NEMF: variants seen among roughly 807,000 people sequenced by gnomAD.
NEMF encodes nuclear export mediator factor, also known as ribosome quality control complex subunit NEMF.
NEMF carries 89 observed loss-of-function variants against 162.2 expected under a neutral mutation model. The observed-to-expected ratio is 0.55, with a 90% confidence interval of 0.46 to 0.65. NEMF has a LOEUF of 0.65. NEMF is among the 30% of genes least tolerant of loss of function. The probability of loss-of-function intolerance (pLI) is 0.00; values close to 1 mark genes in which losing one functional copy is unlikely to be tolerated. For missense variants in NEMF, 1,133 were observed against 1,261.9 expected (o/e 0.90, Z 1.55); for synonymous variants, 421 against 404.5 (o/e 1.04, Z -0.49).
intron 18 of NEMF, among the ~76,000 whole-genome samples, chr14:49,809,707 A>C (rs1476274970): frequency 6.6e-6 from 1 of 152,112 alleles, no homozygotes; most frequent in Non-Finnish European, 1.5e-5. Context: ...TAAAAATACA[A>C]AAACTAGCTG....
intron 1 of NEMF, 38 bp downstream of exon 1, chr14:49,852,657 C>T: frequency 1.6e-5 from 25 of 1,609,430 alleles, no homozygotes; most frequent in Non-Finnish European, 2.0e-5. Context: ...CTGCCTCCTG[C>T]ACTCCCCACA....
At chr14:49,793,125 T>C (rs1175234952) in intron 26 of NEMF, among the ~76,000 whole-genome samples, 4 of 152,134 alleles carry the variant, frequency 2.6e-5, no homozygotes, top group African/African-American at 7.2e-5. Context: ...TAGAAACAGT[T>C]CCTGTAATGG....
rs778823374 is a variant in NEMF, at chr14:49,829,259, T to G, written c.1027A>C (p.Ile343Leu). Residue 343 changes from isoleucine (I) to leucine (L), a missense_variant, in exon 13 of 33, where the codon ATA becomes CTA. Physicochemically the swap from Ile to Leu is conservative, Grantham distance 5 (BLOSUM62 2). Coordinates refer to ENST00000298310, the MANE Select transcript of NEMF (RefSeq NM_004713.6). ...RLEALQQAQE[I>L]DKLKGELIEM... ...ATGAGCTCTCCTTTCAGTTTGTCTA[T>G]TTCCTTAAAAAACAAACCACACACA... is the stretch of plus-strand genomic sequence containing the variant. 4 of 1,614,090 alleles carry G rather than the reference T, an allele frequency of 2.5e-6. No homozygotes were observed. Among genetic ancestry groups the G allele is most frequent in the Non-Finnish European group, 3.4e-6 (4 of 1,179,994 alleles).
At chr14:49,830,711 C>G (rs949561871) in intron 11 of NEMF, among the ~76,000 whole-genome samples, 3 of 152,262 alleles carry the variant, frequency 2.0e-5, no homozygotes, top group East Asian at 1.9e-4. Context: ...TTTTTGCACA[C>G]ATATTTTAAG....
At chr14:49,800,929 T>G (rs1202061626) in intron 22 of NEMF, 3 of 450,504 alleles carry the variant, frequency 6.7e-6, no homozygotes, top group Non-Finnish European at 1.2e-5. Flanking sequence ...TCTTGGACAT[T>G]GCTACCCTTT....
chr14:49,788,581 G>GCA (rs1890292717), intron 28 of NEMF, among the ~76,000 whole-genome samples: 1 of 136,142 alleles, frequency 7.3e-6, no homozygotes, highest in Admixed American at 7.6e-5. Flanking sequence ...TTTTTGAGAT[G>GCA]GAGTCTCGCT....
Position 49,828,739 on chromosome 14 carries a change from T to A in NEMF, c.1301A>T (p.Glu434Val). ...VDGDVNVEKNETEPPKGKKKK... is the reference protein window; with the variant it reads ...VDGDVNVEKNVTEPPKGKKKK... The stretch of plus-strand genomic sequence containing the variant: ...CTTTTTTCCTTTTGGTGGTTCAGTT[T>A]CATTTTTCTCAACATTGACGTCACC... The change falls in exon 14 of 33, where the codon GAA becomes GTA. Residue 434 changes from glutamate to valine, a missense_variant. Physicochemically the swap from Glu to Val is moderately radical, Grantham distance 121. This residue lies in a region of NEMF where 582 missense variants were observed against 631.5 expected (regional missense o/e 0.92). Coordinates refer to ENST00000298310, the MANE Select transcript of NEMF (RefSeq NM_004713.6). The A allele has an allele frequency of 6.3e-7, 1 of 1,590,854 alleles. No individual in the cohort carries two copies. Among genetic ancestry groups the A allele is most frequent in the African/African-American group, 1.3e-5 (1 of 74,356 alleles).
chr14:49,814,667 A>G, intron 17 of NEMF, 87 bp downstream of exon 17: 1 of 655,848 alleles, frequency 1.5e-6, no homozygotes, highest in South Asian at 2.0e-5. Flanking sequence ...CAAACAGAAG[A>G]GTATAACAAG....
intron 6 of NEMF, among the ~76,000 whole-genome samples, chr14:49,837,910 A>G (rs528492809): frequency 6.6e-6 from 1 of 152,232 alleles, no homozygotes; most frequent in East Asian, 1.9e-4. Flanking sequence ...GAATACTACC[A>G]TTAGCACTGA....
chr14:49,788,555 TCTC>T (rs1362508252), intron 28 of NEMF, among the ~76,000 whole-genome samples: 31 of 64,054 alleles, frequency 4.8e-4, no homozygotes, highest in Middle Eastern at 8.3e-3. Context: ...ATTTTCTCTC[TCTC>T]TTTTTTTTTT....
At position 49,782,790 on chromosome 14, in the gene NEMF, T is replaced by G. The variant is rs768122669; in HGVS notation, c.*1846A>C. The G allele has an allele frequency of 2.6e-5, 41 of 1,595,760 alleles. No homozygotes were observed. The highest frequency in any genetic ancestry group is 3.5e-5 in the Non-Finnish European group (41 of 1,172,160). On this transcript the variant is annotated 3_prime_UTR_variant, in exon 33 of 33. Transcript: ENST00000298310. ...TTCAAGTGAATGTACTTCCAAACAG[T>G]AAAGTGAAATTACTTTTCTCTTTCC... is the stretch of plus-strand genomic sequence containing the variant.
chr14:49,831,387 T>C (rs749663049), intron 10 of NEMF, 26 bp from the exon 11 acceptor site: 13 of 1,457,666 alleles, frequency 8.9e-6, no homozygotes, highest in Non-Finnish European at 1.1e-5. Context: ...AACAACTAGT[T>C]GGAAAAAAAA....
intron 1 of NEMF, among the ~76,000 whole-genome samples, chr14:49,852,351 C>G (rs567733362): frequency 6.6e-6 from 1 of 152,350 alleles, no homozygotes; most frequent in Admixed American, 6.5e-5. Flanking sequence ...AGCCCCCAGT[C>G]TGGAAACCTC....
chr14:49,796,026 C>T lies in NEMF; in HGVS notation c.2466-82G>A, dbSNP rs531964078. ...CTAAAAAAGTTCCATGGGGAAGGCACATATACAGTATATAAATGGTCATGG... is the reference window on the plus strand; with the variant it reads ...CTAAAAAAGTTCCATGGGGAAGGCATATATACAGTATATAAATGGTCATGG... On this transcript the variant is annotated intron_variant, in intron 25 of 32. Coordinates refer to ENST00000298310, the MANE Select transcript of NEMF (RefSeq NM_004713.6). The T allele has an allele frequency of 3.4e-5, 33 of 976,034 alleles. No homozygotes were observed. The Admixed American group carries it at 3.5e-4, about 10-fold the overall frequency. 60.5% of individuals were successfully genotyped at this position (976,034 alleles called of 1,614,324 possible).
chr14:49,803,661 G>T (rs1224073210), intron 19 of NEMF, among the ~76,000 whole-genome samples: 1 of 151,944 alleles, frequency 6.6e-6, no homozygotes, highest in Non-Finnish European at 1.5e-5. Flanking sequence ...GAGTAGCTGG[G>T]ACTACAGGCA....
chr14:49,802,323 C>A, intron 22 of NEMF, 130 bp downstream of exon 22: 2 of 891,834 alleles, frequency 2.2e-6, no homozygotes, highest in Admixed American at 3.0e-5. Context: ...TAAAACAGCA[C>A]GTACTTTGGG....
intron 16 of NEMF, among the ~76,000 whole-genome samples, chr14:49,817,357 T>C (rs1026856726): frequency 2.0e-5 from 3 of 152,148 alleles, no homozygotes; most frequent in Admixed American, 1.3e-4. Flanking sequence ...GCAGAATTGC[T>C]TGAACCCAGG....
At chr14:49,826,907 C>T (rs575727085) in intron 15 of NEMF, among the ~76,000 whole-genome samples, 2 of 152,268 alleles carry the variant, frequency 1.3e-5, no homozygotes, top group South Asian at 4.1e-4. Flanking sequence ...GATTAAATCT[C>T]ATTTAAGTGG....
At chr14:49,841,712 G>A (rs1490627954) in intron 4 of NEMF, among the ~76,000 whole-genome samples, 4 of 151,998 alleles carry the variant, frequency 2.6e-5, no homozygotes, top group Non-Finnish European at 5.9e-5. Context: ...GAGCAATATA[G>A]TTAATTATAC....
Sources: gnomAD v4.1 joint callset for allele counts (sites outside exome capture counted in the v4.1 genomes callset) on GRCh38, gnomAD v4.1.1 for gene constraint, gnomAD v4.1.1 regional missense constraint, MANE v1.5 for transcripts, NCBI Gene and HGNC (gene_info 2026-07-23, HGNC 2026-07-21) for gene names.